Variants in PDE10A observed in about 807,000 individuals in gnomAD.
The protein encoded by PDE10A is cAMP and cAMP-inhibited cGMP 3',5'-cyclic phosphodiesterase 10A.
PDE10A carries 39 observed loss-of-function variants against 97.7 expected under a neutral mutation model. That is an observed-to-expected ratio of 0.40 (90% CI 0.31 to 0.52). The LOEUF is 0.52. Ranked by LOEUF, PDE10A falls within the 20% of genes least tolerant of loss-of-function variation. The probability of loss-of-function intolerance (pLI) is 0.56; values close to 1 mark genes in which losing one functional copy is unlikely to be tolerated. For missense variants in PDE10A, 731 were observed against 1,047.8 expected, an observed-to-expected ratio of 0.70 and a Z score of 4.17; for synonymous variants, 371 against 376.8, an observed-to-expected ratio of 0.98 and a Z score of 0.18.
chr6:165,531,961 T>C (rs1782803721), intron 2 of PDE10A, among the ~76,000 whole-genome samples: 1 of 152,182 alleles, frequency 6.6e-6, no homozygotes, highest in African/African-American at 2.4e-5. Flanking sequence ...AACTACCTCA[T>C]AGCATACCAC....
intron 1 of PDE10A, among the ~76,000 whole-genome samples, chr6:165,656,137 C>G (rs1416064755): frequency 6.6e-6 from 1 of 151,812 alleles, no homozygotes; most frequent in African/African-American, 2.4e-5. Flanking sequence ...TCCCTACTAC[C>G]AAGGAGGCTG....
rs1583114548 is a variant in PDE10A at position 165,803,841 on chromosome 6, C to T, written c.-615+183688G>A. ...CAGTTAGAGAACTCACAGAATCTTCCATCTTCCTACCTGGAAACTACTTGG... is the reference window on the plus strand; with the variant it reads ...CAGTTAGAGAACTCACAGAATCTTCTATCTTCCTACCTGGAAACTACTTGG... On this transcript the variant is annotated intron_variant, in intron 1 of 19. Coordinates refer to the PDE10A transcript ENST00000366882. Among the ~76,000 whole-genome samples the T allele has an allele frequency of 2.6e-5, 4 of 152,272 alleles. No individual in the cohort carries two copies. The Middle Eastern group carries it at 0.014, about 518-fold the overall frequency.
intron 5 of PDE10A, among the ~76,000 whole-genome samples, chr6:165,441,981 C>T (rs1352410326): frequency 6.6e-6 from 1 of 151,914 alleles, no homozygotes; most frequent in Non-Finnish European, 1.5e-5. Context: ...AACATAATCC[C>T]TCATAATTTC....
intron 1 of PDE10A, among the ~76,000 whole-genome samples, chr6:165,626,835 G>T (rs1044003059): frequency 8.5e-5 from 13 of 152,162 alleles, no homozygotes; most frequent in Admixed American, 5.9e-4. Context: ...ATTCCAGAGG[G>T]TCCTATCTGG....
chr6:165,805,118 T>G (rs1309585660), intron 1 of PDE10A, among the ~76,000 whole-genome samples: 1 of 85,482 alleles, frequency 1.2e-5, no homozygotes, highest in Non-Finnish European at 2.5e-5. Flanking sequence ...GAGGGGCGCA[T>G]GGAGGGGAGC....
chr6:165,425,770 C>CATGTGT (rs112669910), intron 10 of PDE10A, among the ~76,000 whole-genome samples: 168 of 144,138 alleles, frequency 1.2e-3, no homozygotes, highest in African/African-American at 4.2e-3. Context: ...AAGGCATGAT[C>CATGTGT]GTGTGTGTGT....
chr6:165,778,316 C>T (rs1014806466), intron 1 of PDE10A, among the ~76,000 whole-genome samples: 28 of 152,284 alleles, frequency 1.8e-4, no homozygotes, highest in African/African-American at 2.4e-4. Context: ...GTGATCCACC[C>T]GTCTCAGCCT....
chr6:165,700,985 C>G (rs974326892), intron 1 of PDE10A, among the ~76,000 whole-genome samples: 3 of 152,170 alleles, frequency 2.0e-5, no homozygotes, highest in African/African-American at 7.2e-5. Flanking sequence ...CCTGTGATAC[C>G]TGGATTCCAT....
intron 1 of PDE10A, among the ~76,000 whole-genome samples, chr6:165,692,315 G>A (rs980054797): frequency 5.3e-5 from 8 of 152,184 alleles, no homozygotes; most frequent in African/African-American, 1.9e-4. Flanking sequence ...TTCTCACTGT[G>A]TTCAGATCAG....
rs1267878142 is a variant in PDE10A, at chr6:165,418,066, AAAAT to A, written c.1796+565_1796+568del. On this transcript the variant is annotated intron_variant, in intron 11 of 21. Coordinates refer to ENST00000539869, the MANE Select transcript of PDE10A (RefSeq NM_001385079.1). This position sits in a 1 kb window ranked among gnomAD's most constrained non-coding sequence, Gnocchi z 4.8. Reference sequence around the variant, plus strand: ...AGCAAGCCCCCATGCCTCCATCAACAAAATAAACTCCATTCTGTTCATTTAAGTG... The same window carrying A: ...AGCAAGCCCCCATGCCTCCATCAACAAAACTCCATTCTGTTCATTTAAGTG... Among the ~76,000 whole-genome samples, 4 of 152,212 alleles carry A rather than the reference AAAAT, an allele frequency of 2.6e-5. No homozygotes were observed. Among genetic ancestry groups the A allele is most frequent in the African/African-American group, 9.6e-5 (4 of 41,452 alleles).
At chr6:165,493,128 T>C (rs1345350053) in intron 2 of PDE10A, among the ~76,000 whole-genome samples, 1 of 151,880 alleles carries the variant, frequency 6.6e-6, no homozygotes, top group East Asian at 1.9e-4. Context: ...CACTTAACCA[T>C]GGAGGTGAAA....
chr6:165,731,182 G>A lies in PDE10A; in HGVS notation c.-614-187614C>T, dbSNP rs138478594. ...CTCGTGGCCCCCGGAGGGAAGCACCGTCTTGTGGCTCCTGGAGACTCGATA... is the reference window on the plus strand; with the variant it reads ...CTCGTGGCCCCCGGAGGGAAGCACCATCTTGTGGCTCCTGGAGACTCGATA... On this transcript the variant is annotated intron_variant, in intron 1 of 19. Transcript: ENST00000366882. 3.3e-5 allele frequency among the ~76,000 whole-genome samples: 5 copies of A among 152,348 alleles called. No individual in the cohort carries two copies. The East Asian group carries it at 5.8e-4, about 18-fold the overall frequency.
chr6:165,516,491 T>G (rs1781815777), intron 2 of PDE10A, among the ~76,000 whole-genome samples: 1 of 152,196 alleles, frequency 6.6e-6, no homozygotes, highest in Non-Finnish European at 1.5e-5. Context: ...ATCATAGAAC[T>G]TTCTACTACC....
At chr6:165,550,951 C>T (rs1477023549) in intron 1 of PDE10A, among the ~76,000 whole-genome samples, 1 of 152,132 alleles carries the variant, frequency 6.6e-6, no homozygotes, top group African/African-American at 2.4e-5. Context: ...TTTCAAAAGA[C>T]AATTCCAAAA....
chr6:165,647,834 G>T (rs1187322404), intron 1 of PDE10A, among the ~76,000 whole-genome samples: 1 of 152,172 alleles, frequency 6.6e-6, no homozygotes, highest in African/African-American at 2.4e-5. Flanking sequence ...CTCAGCACTT[G>T]CTCTCCTGAA....
At chr6:165,747,579 G>A (rs937563447) in intron 1 of PDE10A, among the ~76,000 whole-genome samples, 2 of 150,364 alleles carry the variant, frequency 1.3e-5, no homozygotes, top group African/African-American at 5.0e-5. Flanking sequence ...TGCTGAAAAT[G>A]ATCAAGTTTT....
intron 1 of PDE10A, among the ~76,000 whole-genome samples, chr6:165,977,243 T>C (rs1353153814): frequency 6.6e-6 from 1 of 152,136 alleles, no homozygotes. Flanking sequence ...GAAAAAGCAG[T>C]TTGGGAAAGA....
intron 1 of PDE10A, among the ~76,000 whole-genome samples, chr6:165,833,896 A>G (rs11758921): frequency 0.06 from 9,205 of 152,282 alleles, 348 homozygotes; most frequent in South Asian, 0.13. Context: ...GGTCTAGCCG[A>G]GACCTGATTC....
At chr6:165,472,894 T>A (rs1426034966) in intron 3 of PDE10A, among the ~76,000 whole-genome samples, 1 of 152,184 alleles carries the variant, frequency 6.6e-6, no homozygotes, top group East Asian at 1.9e-4. Flanking sequence ...AACCTTCAAC[T>A]GTAACAGTAA....
Sources: gnomAD v4.1 joint callset for allele counts (sites outside exome capture counted in the v4.1 genomes callset) on GRCh38, gnomAD v4.1.1 for gene constraint, Gnocchi (gnomAD v3.1) non-coding constraint, MANE v1.5 for transcripts, NCBI Gene and HGNC (gene_info 2026-07-23, HGNC 2026-07-21) for gene names.